The following TASOR variants were observed in gnomAD, a reference collection of about 807,000 sequenced individuals.
TASOR encodes the protein transcription activation suppressor, also known as protein TASOR.
In TASOR, 53 loss-of-function variants were observed where a neutral mutation model predicts 178.6. That is an observed-to-expected ratio of 0.30 (90% confidence interval 0.24 to 0.37). The LOEUF is 0.37. Among genes scored for constraint, TASOR ranks in the 10% least tolerant of loss-of-function variants. The pLI is 1.00. For missense variants in TASOR, 1,815 were observed against 1,971.4 expected, an observed-to-expected ratio of 0.92 and a Z score of 1.50; for synonymous variants, 713 against 696.2, an observed-to-expected ratio of 1.02 and a Z score of -0.38.
In TASOR at chr3:56,621,333, T is replaced by TAA; in HGVS notation, c.*1702_*1703dup. The stretch of plus-strand genomic sequence containing the variant: ...TTTTCATCCCTATTGATTTTTATGC[T>TAA]AAAAACAGAATCTTACAAATGTGAT... On this transcript the variant is annotated 3_prime_UTR_variant, in exon 24 of 24. Coordinates refer to ENST00000683822, the MANE Select transcript of TASOR (RefSeq NM_001365635.2). 5.1e-6 allele frequency: 2 copies of TAA among 391,626 alleles called. No homozygotes were observed. The highest frequency in any genetic ancestry group is 9.1e-6 in the Non-Finnish European group (2 of 218,672). The allele number at this position is 391,626 out of a possible 1,614,324, so 24.3% of individuals were successfully genotyped here.
intron 4 of TASOR, 39 bp from the exon 5 acceptor site, chr3:56,669,830 T>C (rs761702041): frequency 7.1e-7 from 1 of 1,404,282 alleles, no homozygotes; most frequent in South Asian, 1.3e-5. Context: ...TGATTATATT[T>C]TTCAAAATCA....
chr3:56,678,754 T>TA (rs1417611008), intron 1 of TASOR, among the ~76,000 whole-genome samples: 2 of 152,094 alleles, frequency 1.3e-5, no homozygotes, highest in African/African-American at 2.4e-5. Context: ...CTCATGCCTG[T>TA]AATCCCAGCA....
At chr3:56,666,480 T>C (rs2029987239) in intron 6 of TASOR, 96 bp from the exon 7 acceptor site, 6 of 938,440 alleles carry the variant, frequency 6.4e-6, no homozygotes, top group Non-Finnish European at 8.8e-6. Context: ...AAACCATATA[T>C]GCACTTCTGA....
chr3:56,674,004 C>A (rs2031010750), intron 1 of TASOR, among the ~76,000 whole-genome samples: 1 of 152,012 alleles, frequency 6.6e-6, no homozygotes, highest in Non-Finnish European at 1.5e-5. Flanking sequence ...CTATATTAGG[C>A]AACCTAAATT....
At chr3:56,663,664 G>T in intron 7 of TASOR, 92 bp from the exon 8 acceptor site, 1 of 1,167,494 alleles carries the variant, frequency 8.6e-7, no homozygotes, top group South Asian at 2.4e-5. Context: ...ATTTTTAATG[G>T]CATACTACAG....
intron 7 of TASOR, chr3:56,663,805 G>A: frequency 5.9e-6 from 6 of 1,010,398 alleles, no homozygotes; most frequent in Non-Finnish European, 7.1e-6. Flanking sequence ...ATTTAAGGGA[G>A]TTGTTTTTTC....
chr3:56,660,575 G>C (rs2077573381), intron 11 of TASOR, among the ~76,000 whole-genome samples, 156 bp downstream of exon 11: 1 of 150,100 alleles, frequency 6.7e-6, no homozygotes, highest in Admixed American at 6.6e-5. Context: ...AAGAATACCA[G>C]AACCACAGTA....
At chr3:56,671,772 GA>G in intron 2 of TASOR, 80 bp from the exon 3 acceptor site, 2 of 1,068,036 alleles carry the variant, frequency 1.9e-6, no homozygotes, top group East Asian at 5.2e-5. Flanking sequence ...TTTTTTCCAA[GA>G]AATCTCACAC....
At chr3:56,679,046 C>A (rs1337408782) in intron 1 of TASOR, among the ~76,000 whole-genome samples, 1 of 149,190 alleles carries the variant, frequency 6.7e-6, no homozygotes, top group African/African-American at 2.5e-5. Flanking sequence ...ATGGGTCATA[C>A]GAAGTACAAA....
rs373951148 is a variant in TASOR, at chr3:56,621,278, A to ATAGT, written c.*1755_*1758dup. 9.5e-5 allele frequency: 27 copies of ATAGT among 283,326 alleles called. No homozygotes were observed. The highest frequency in any genetic ancestry group is 3.2e-4 in the East Asian group (5 of 15,760). 17.6% of individuals were successfully genotyped at this position (283,326 alleles called of 1,614,324 possible). A position where few individuals can be genotyped will look rare whatever the true frequency, so the allele number is the denominator to read the frequency against. On this transcript the variant is annotated 3_prime_UTR_variant, in exon 24 of 24. Transcript: ENST00000683822. Reference sequence around the variant, plus strand: ...AGAAGGGATGACTTCATTTACCCCCATAGTTATGGAGTCTTGAGTTCTAAG... The same window carrying ATAGT: ...AGAAGGGATGACTTCATTTACCCCCATAGTTAGTTATGGAGTCTTGAGTTCTAAG...
At chr3:56,673,796 G>A (rs1403027229) in intron 1 of TASOR, 71 bp from the exon 2 acceptor site, 6 of 1,317,256 alleles carry the variant, frequency 4.6e-6, no homozygotes, top group Non-Finnish European at 6.1e-6. Flanking sequence ...TTATATTTTT[G>A]TGGGTTAATG....
Position 56,622,276 on chromosome 3 carries a change from T to C in TASOR, c.*761A>G, listed in dbSNP as rs1433846956. The C allele has an allele frequency of 6.6e-6, 1 of 152,174 alleles. No homozygotes were observed. Among genetic ancestry groups the C allele is most frequent in the South Asian group, 2.1e-4 (1 of 4,834 alleles). 9.4% of individuals were successfully genotyped at this position (152,174 alleles called of 1,614,324 possible). A position where few individuals can be genotyped will look rare whatever the true frequency, so the allele number is the denominator to read the frequency against. On this transcript the variant is annotated 3_prime_UTR_variant, in exon 24 of 24. Transcript: ENST00000683822. ...GTATAGCATTAATGTGTTCAACAAA[T>C]GGTAATTACTACTAAGACCACCTCA...
chr3:56,640,453 T>G (rs542620984), intron 15 of TASOR, among the ~76,000 whole-genome samples: 2 of 152,218 alleles, frequency 1.3e-5, no homozygotes, highest in South Asian at 4.1e-4. Flanking sequence ...CCAATAAAAC[T>G]TTAGTTATAA....
chr3:56,673,261 CA>C (rs1472102459), intron 2 of TASOR, among the ~76,000 whole-genome samples: 5 of 151,902 alleles, frequency 3.3e-5, no homozygotes, highest in African/African-American at 1.2e-4. Flanking sequence ...AAAGAGATGT[CA>C]TTTAAAACTT....
chr3:56,640,159 T>C (rs1435997343), intron 15 of TASOR, 29 bp from the exon 16 acceptor site: 2 of 1,593,790 alleles, frequency 1.3e-6, no homozygotes, highest in Non-Finnish European at 1.7e-6. Flanking sequence ...ACTGAATAGC[T>C]TTATTTCCAA....
intron 1 of TASOR, among the ~76,000 whole-genome samples, chr3:56,681,053 G>A (rs895277456): frequency 3.3e-4 from 48 of 146,838 alleles, no homozygotes; most frequent in Non-Finnish European, 4.3e-4. Context: ...ATTTTGAAGA[G>A]TTTCTAGGCC....
At chr3:56,626,749 A>G (rs1021338676) in intron 21 of TASOR, among the ~76,000 whole-genome samples, 4 of 152,180 alleles carry the variant, frequency 2.6e-5, no homozygotes, top group African/African-American at 4.8e-5. Flanking sequence ...ATCTCAAAAA[A>G]AAAAAGAAAA....
chr3:56,657,492 C>T (rs1252963370), intron 11 of TASOR, among the ~76,000 whole-genome samples: 1 of 151,998 alleles, frequency 6.6e-6, no homozygotes, highest in African/African-American at 2.4e-5. Context: ...CTTTCATATC[C>T]CCCACAAATA....
chr3:56,644,543 T>G (rs2077195758), intron 14 of TASOR, among the ~76,000 whole-genome samples: 1 of 152,216 alleles, frequency 6.6e-6, no homozygotes, highest in Admixed American at 6.5e-5. Flanking sequence ...GAGATGACCC[T>G]TAACCAAGAC....
Sources: gnomAD v4.1 joint callset for allele counts (sites outside exome capture counted in the v4.1 genomes callset) on GRCh38, gnomAD v4.1.1 for gene constraint, MANE v1.5 for transcripts, NCBI Gene and HGNC (gene_info 2026-07-23, HGNC 2026-07-21) for gene names.